The following MYO1H variants were observed in gnomAD, a reference collection of about 807,000 sequenced individuals.
MYO1H encodes the protein myosin IH, also known as unconventional myosin-Ih.
A neutral mutation model predicts 149.3 loss-of-function variants in MYO1H; 118 were observed. That is an observed-to-expected ratio of 0.79 (90% CI 0.68 to 0.92). MYO1H has a LOEUF of 0.92. MYO1H is among the 40% of genes least tolerant of loss of function. The probability of loss-of-function intolerance (pLI) is 0.00; values close to 1 mark genes in which losing one functional copy is unlikely to be tolerated. For synonymous variants in MYO1H, 447 were observed against 465.2 expected, an observed-to-expected ratio of 0.96 and a Z score of 0.50; for missense variants, 1,212 against 1,280.7, an observed-to-expected ratio of 0.95 and a Z score of 0.82.
intron 1 of MYO1H, among the ~76,000 whole-genome samples, chr12:109,357,693 CTTG>C (rs1868639172): frequency 7.0e-6 from 1 of 142,220 alleles, no homozygotes; most frequent in African/African-American, 2.7e-5. Context: ...ATACTATTCT[CTTG>C]ATTTTTTTTC....
intron 31 of MYO1H, 164 bp from the exon 32 acceptor site, chr12:109,446,995 A>C (rs1872511013): frequency 4.3e-6 from 3 of 697,698 alleles, no homozygotes; most frequent in Non-Finnish European, 7.7e-6. Context: ...ACAGGCCTCG[A>C]TGAGCCAGTT....
intron 10 of MYO1H, among the ~76,000 whole-genome samples, chr12:109,409,180 G>T (rs1249055404): frequency 6.7e-6 from 1 of 148,448 alleles, no homozygotes; most frequent in Non-Finnish European, 1.5e-5. Flanking sequence ...TCTGTCTATA[G>T]GTCCTTTTCT....
chr12:109,406,287 T>G (rs553494321), intron 8 of MYO1H, among the ~76,000 whole-genome samples: 5,789 of 152,028 alleles, frequency 0.038, 133 homozygotes, highest in Middle Eastern at 0.065. Flanking sequence ...TGGGCCTGGA[T>G]ACTCTATGAA....
intron 15 of MYO1H, among the ~76,000 whole-genome samples, chr12:109,419,106 G>C (rs371101003): frequency 6.6e-6 from 1 of 152,220 alleles, no homozygotes; most frequent in Non-Finnish European, 1.5e-5. Flanking sequence ...TGTCTCCTTT[G>C]GGGGGACCAC....
Position 109,443,082 on chromosome 12 carries a change from G to GTATGTGTGTATGTGTACGTA in MYO1H, c.2689-421_2689-420insGTGTACGTATATGTGTGTAT, listed in dbSNP as rs1872255522. 4.0e-5 allele frequency among the ~76,000 whole-genome samples: 2 copies of GTATGTGTGTATGTGTACGTA among 49,662 alleles called. 1 individual carries two copies. Among genetic ancestry groups the GTATGTGTGTATGTGTACGTA allele is most frequent in the Non-Finnish European group, 7.1e-5 (2 of 28,362 alleles). The allele number at this position is 49,662 out of a possible 152,430, so 32.6% of individuals were successfully genotyped here. ...TACGTATGTGTGTATATATGTGTACGTATGTGTGTATATATGTGTACGTAT... is the reference window on the plus strand; with the variant it reads ...TACGTATGTGTGTATATATGTGTACGTATGTGTGTATGTGTACGTATATGTGTGTATATATGTGTACGTAT... On this transcript the variant is annotated intron_variant, in intron 27 of 31. Coordinates refer to ENST00000310903, the Ensembl canonical transcript of MYO1H.
At chr12:109,417,014 A>C (rs940009695) in intron 15 of MYO1H, among the ~76,000 whole-genome samples, 3 of 151,672 alleles carry the variant, frequency 2.0e-5, no homozygotes, top group Non-Finnish European at 4.4e-5. Context: ...TCTCAAAAAA[A>C]AAAAAAATTA....
chr12:109,444,559 T>G (rs1344847701), intron 30 of MYO1H, 30 bp downstream of exon 30: 1 of 1,535,204 alleles, frequency 6.5e-7, no homozygotes, highest in Admixed American at 1.7e-5. Flanking sequence ...GCTCAGGAAG[T>G]AATTCAATGT....
intron 1 of MYO1H, among the ~76,000 whole-genome samples, chr12:109,373,310 G>A (rs1869025037): frequency 6.6e-6 from 1 of 151,958 alleles, no homozygotes; most frequent in African/African-American, 2.4e-5. Context: ...TATTAAGTAT[G>A]GTGCTAGCTT....
chr12:109,393,391 G>T, exon 3 of MYO1H: 1 of 1,589,594 alleles, frequency 6.3e-7, no homozygotes, highest in East Asian at 2.3e-5. Context: ...AATCTACACT[G>T]TGAGCCAGAT....
At chr12:109,347,847 C>T (rs1868371319), upstream of MYO1H, 1 of 398,622 alleles carries the variant, frequency 2.5e-6, no homozygotes, top group East Asian at 3.6e-5. Context: ...GCTAGAATCG[C>T]CTCATACCTT....
intron 15 of MYO1H, 141 bp downstream of exon 15, chr12:109,415,761 C>A (rs1411401182): frequency 2.0e-6 from 1 of 491,120 alleles, no homozygotes. Context: ...TTGAAAAAGT[C>A]TTTCTAATTG....
intron 1 of MYO1H, among the ~76,000 whole-genome samples, chr12:109,380,488 C>T (rs1869182505): frequency 6.6e-6 from 1 of 152,114 alleles, no homozygotes; most frequent in South Asian, 2.1e-4. Flanking sequence ...ACCCTGAGGA[C>T]AAAGAATTCA....
chr12:109,344,513 T>G (rs905475563), upstream of MYO1H, among the ~76,000 whole-genome samples: 1 of 152,234 alleles, frequency 6.6e-6, no homozygotes, highest in Non-Finnish European at 1.5e-5. Flanking sequence ...AGATATCCTA[T>G]GCTCACAGAT....
At chr12:109,442,121 G>A (rs964295011) in intron 26 of MYO1H, 96 bp from the exon 27 acceptor site, 5 of 999,116 alleles carry the variant, frequency 5.0e-6, no homozygotes, top group Non-Finnish European at 7.9e-6. Flanking sequence ...TGAGATCTTA[G>A]CACAGAGATG....
At chr12:109,409,200 TCTC>T (rs1290213071) in intron 10 of MYO1H, among the ~76,000 whole-genome samples, 2 of 146,502 alleles carry the variant, frequency 1.4e-5, no homozygotes, top group African/African-American at 5.0e-5. Flanking sequence ...TCCATCTCCT[TCTC>T]CTTCTTCTTC....
At chr12:109,368,177 A>G (rs1868907759) in intron 1 of MYO1H, among the ~76,000 whole-genome samples, 1 of 152,228 alleles carries the variant, frequency 6.6e-6, no homozygotes, top group Non-Finnish European at 1.5e-5. Flanking sequence ...GTGACATGCA[A>G]AACTAAAAAC....
At chr12:109,446,919 GTC>G (rs1362680819) in intron 31 of MYO1H, 1 of 592,814 alleles carries the variant, frequency 1.7e-6, no homozygotes. Context: ...CAGAGACTGT[GTC>G]TCTCTCCTCT....
chr12:109,366,446 A>G (rs1868866246), intron 1 of MYO1H, among the ~76,000 whole-genome samples: 1 of 152,164 alleles, frequency 6.6e-6, no homozygotes. Flanking sequence ...GTACCCCTCA[A>G]GGCTAACCAT....
chr12:109,418,344 T>C lies in MYO1H; in HGVS notation c.1598-2637T>C, dbSNP rs184835487. Among the ~76,000 whole-genome samples, 29 of 149,648 alleles carry C rather than the reference T, an allele frequency of 1.9e-4. 1 individual carries two copies. Among genetic ancestry groups the C allele is most frequent in the Admixed American group, 1.8e-3 (27 of 14,886 alleles). On this transcript the variant is annotated intron_variant, in intron 15 of 31. Coordinates refer to ENST00000310903, the Ensembl canonical transcript of MYO1H. The stretch of plus-strand genomic sequence containing the variant: ...ACTTTTGGTTTGAAATTAGTTTTAC[T>C]TTTTTTTTTCTTTCTTTCTTTTGAG...
Sources: gnomAD v4.1 joint callset for allele counts (sites outside exome capture counted in the v4.1 genomes callset) on GRCh38, gnomAD v4.1.1 for gene constraint, MANE v1.5 for transcripts, NCBI Gene and HGNC (gene_info 2026-07-23, HGNC 2026-07-21) for gene names.